Variants in MAP3K4 observed in about 807,000 individuals in gnomAD.
MAP3K4 encodes the protein mitogen-activated protein kinase kinase kinase 4.
Under a neutral mutation model 185.6 loss-of-function variants are expected in MAP3K4, and 67 were observed. That is an observed-to-expected ratio of 0.36 (90% CI 0.30 to 0.44). The LOEUF is 0.44. MAP3K4 is among the 20% of genes least tolerant of loss of function. MAP3K4 has a pLI of 1.00. For missense variants in MAP3K4, 1,551 were observed against 1,995.1 expected (o/e 0.78, Z 4.24); for synonymous variants, 702 against 710.4 (o/e 0.99, Z 0.19).
Position 160,996,051 on chromosome 6 carries a change from C to T in MAP3K4, c.152+3968C>T, listed in dbSNP as rs1199544652. Among the ~76,000 whole-genome samples, 1 of 152,170 alleles carries T rather than the reference C, an allele frequency of 6.6e-6. No homozygotes were observed. Among genetic ancestry groups the T allele is most frequent in the Non-Finnish European group, 1.5e-5 (1 of 68,020 alleles). ...AAAAAACTAGTTGAATGTCGTCACT[C>T]CTAGGCAATTTGCTCTGCCTCTCGG... is the stretch of plus-strand genomic sequence containing the variant. On this transcript the variant is annotated intron_variant, in intron 1 of 26. Transcript: ENST00000392142. This position sits in a 1 kb window ranked among gnomAD's most constrained non-coding sequence, Gnocchi z 4.5.
rs529350109 is a variant in MAP3K4, at chr6:161,056,835, A to C, written c.1707+6856A>C. 3.0e-4 allele frequency among the ~76,000 whole-genome samples: 45 copies of C among 152,240 alleles called. No homozygotes were observed. Among genetic ancestry groups the C allele is most frequent in the East Asian group, 1.4e-3 (7 of 5,172 alleles). On this transcript the variant is annotated intron_variant, in intron 3 of 26. Transcript: ENST00000392142. This position sits in a 1 kb window ranked among gnomAD's most constrained non-coding sequence, Gnocchi z 5.4. ...TATTTCATCTGCGTTGCATCCTGGGATCCTCCAAAATCCTGATTGACTTTT... is the reference window on the plus strand; with the variant it reads ...TATTTCATCTGCGTTGCATCCTGGGCTCCTCCAAAATCCTGATTGACTTTT...
In MAP3K4 at chr6:161,116,980, G is replaced by C; in HGVS notation, c.*110G>C. 3 of 1,007,548 alleles carry C rather than the reference G, an allele frequency of 3.0e-6. No individual in the cohort carries two copies. In the Admixed American group the frequency reaches 5.5e-5, roughly 18 times the overall value. The allele number at this position is 1,007,548 out of a possible 1,614,324, so 62.4% of individuals were successfully genotyped here. On this transcript the variant is annotated 3_prime_UTR_variant, in exon 27 of 27. Coordinates refer to ENST00000392142, the MANE Select transcript of MAP3K4 (RefSeq NM_005922.4). This position sits in a 1 kb window ranked among gnomAD's most constrained non-coding sequence, Gnocchi z 6.2. ...TAAGCCTTTTTAACCTTCCAAGACT[G>C]AAGACTGCACAGGTGACAAGCGTCA...
In MAP3K4 at chr6:161,093,969, C is replaced by T. The variant is rs774570233; in HGVS notation, c.3427+118C>T. On this transcript the variant is annotated intron_variant, in intron 15 of 26. Coordinates refer to ENST00000392142, the MANE Select transcript of MAP3K4 (RefSeq NM_005922.4). This position sits in a 1 kb window ranked among gnomAD's most constrained non-coding sequence, Gnocchi z 5.2. ...GGTGTTTTAACAGTATTCAGGAAAACGACAATGAGAGGGACAGAAATGAGG... is the reference window on the plus strand; with the variant it reads ...GGTGTTTTAACAGTATTCAGGAAAATGACAATGAGAGGGACAGAAATGAGG... 5.7e-6 allele frequency: 4 copies of T among 707,402 alleles called. No individual in the cohort carries two copies. Among genetic ancestry groups the T allele is most frequent in the Non-Finnish European group, 9.5e-6 (4 of 420,598 alleles). 43.8% of individuals were successfully genotyped at this position (707,402 alleles called of 1,614,324 possible).
intron 1 of MAP3K4, among the ~76,000 whole-genome samples, chr6:161,020,752 G>A (rs878897028): frequency 6.6e-6 from 1 of 151,624 alleles, no homozygotes; most frequent in Non-Finnish European, 1.5e-5. Flanking sequence ...TTTCATGGTT[G>A]AAATATAAAG....
chr6:161,079,918 C>A (rs986731320), intron 5 of MAP3K4, among the ~76,000 whole-genome samples: 2 of 152,136 alleles, frequency 1.3e-5, no homozygotes, highest in Non-Finnish European at 2.9e-5. Flanking sequence ...AAATATCTTT[C>A]CCAACAATGA....
chr6:161,016,698 CGT>C (rs1782131797), intron 1 of MAP3K4, among the ~76,000 whole-genome samples: 1 of 152,188 alleles, frequency 6.6e-6, no homozygotes. Flanking sequence ...CCACTGATCC[CGT>C]GTGTCTGTCC....
At chr6:161,003,033 CAT>C (rs1781400638) in intron 1 of MAP3K4, among the ~76,000 whole-genome samples, 1 of 151,690 alleles carries the variant, frequency 6.6e-6, no homozygotes, top group African/African-American at 2.4e-5. Context: ...AATTTGATAA[CAT>C]GATATAACAT....
At chr6:161,072,707 A>T (rs990835846) in intron 4 of MAP3K4, among the ~76,000 whole-genome samples, 9 of 152,180 alleles carry the variant, frequency 5.9e-5, no homozygotes, top group Admixed American at 2.6e-4. Context: ...TTTGGCTAAC[A>T]TGTATGAAAA....
chr6:161,068,634 G>A (rs1004684836), intron 3 of MAP3K4, among the ~76,000 whole-genome samples: 1 of 152,210 alleles, frequency 6.6e-6, no homozygotes, highest in Non-Finnish European at 1.5e-5. Flanking sequence ...GGATTGACGC[G>A]TTGTAATCAG....
chr6:161,032,291 G>A (rs1331931453), intron 1 of MAP3K4, among the ~76,000 whole-genome samples: 4 of 152,152 alleles, frequency 2.6e-5, no homozygotes, highest in African/African-American at 9.7e-5. Flanking sequence ...CTCTTAAGGT[G>A]AAGCAGATAG....
At chr6:161,066,322 T>C (rs1784712635) in intron 3 of MAP3K4, among the ~76,000 whole-genome samples, 1 of 152,164 alleles carries the variant, frequency 6.6e-6, no homozygotes, top group Non-Finnish European at 1.5e-5. Context: ...TTCCTTTTGT[T>C]CTTTATGGAA....
At chr6:161,039,620 A>G (rs1228032155) in intron 2 of MAP3K4, among the ~76,000 whole-genome samples, 2 of 152,218 alleles carry the variant, frequency 1.3e-5, no homozygotes, top group African/African-American at 2.4e-5. Flanking sequence ...ATTTCCTGCA[A>G]ATCATTACCA....
chr6:161,020,497 A>C (rs1782330072), intron 1 of MAP3K4, among the ~76,000 whole-genome samples: 1 of 152,126 alleles, frequency 6.6e-6, no homozygotes, highest in African/African-American at 2.4e-5. Context: ...GTTTCTACTA[A>C]AAATACAAAT....
rs1309680302 is a variant in MAP3K4 at position 161,087,828 on chromosome 6, C to T, written c.2697C>T (p.Ala899=). The T allele has an allele frequency of 3.7e-6, 6 of 1,614,150 alleles. No individual in the cohort carries two copies. Among genetic ancestry groups the T allele is most frequent in the Non-Finnish European group, 5.1e-6 (6 of 1,180,038 alleles). The change falls in exon 10 of 27, where the codon GCC becomes GCT. Residue 899 remains alanine, a synonymous_variant. Coordinates refer to ENST00000392142, the MANE Select transcript of MAP3K4 (RefSeq NM_005922.4). The surrounding 1 kb of genome is among the most constrained non-coding windows in gnomAD (Gnocchi z 4.9). ...ATTCAGATGACGTACTCATCGATGC[C>T]TATCTGCTTCTGACCAAGCACGGTG... ...SKDSDDVLID[A]YLLLTKHGDR... is the part of the protein sequence containing the mutation.
Position 161,091,921 on chromosome 6 carries a change from T to C in MAP3K4, c.3136-89T>C. 2 of 1,145,702 alleles carry C rather than the reference T, an allele frequency of 1.7e-6. No individual in the cohort carries two copies. Among genetic ancestry groups the C allele is most frequent in the Non-Finnish European group, 2.5e-6 (2 of 797,580 alleles). 71.0% of individuals were successfully genotyped at this position (1,145,702 alleles called of 1,614,324 possible). On this transcript the variant is annotated intron_variant, in intron 12 of 26. Transcript: ENST00000392142. This position sits in a 1 kb window ranked among gnomAD's most constrained non-coding sequence, Gnocchi z 5.5. ...TTAATTGGATTTCACTTTTTGTTTT[T>C]AGAAAACATTTTAGACATGGCATTA...
rs1362585568 is a variant in MAP3K4 at position 161,063,792 on chromosome 6, T to C, written c.1708-6816T>C. Among the ~76,000 whole-genome samples the C allele has an allele frequency of 6.6e-6, 1 of 152,202 alleles. No individual in the cohort carries two copies. Among genetic ancestry groups the C allele is most frequent in the Admixed American group, 6.5e-5 (1 of 15,274 alleles). On this transcript the variant is annotated intron_variant, in intron 3 of 26. Coordinates refer to ENST00000392142, the MANE Select transcript of MAP3K4 (RefSeq NM_005922.4). This position sits in a 1 kb window ranked among gnomAD's most constrained non-coding sequence, Gnocchi z 5.4. ...AAAATCATTCCTAATTTCACAGAAG[T>C]TCTCTGTAGACTCTGTGAGCTTTTC...
In MAP3K4 at chr6:160,993,768, G is replaced by T. The variant is rs1483463680; in HGVS notation, c.152+1685G>T. Among the ~76,000 whole-genome samples, 4 of 152,048 alleles carry T rather than the reference G, an allele frequency of 2.6e-5. No individual in the cohort carries two copies. The East Asian group carries it at 5.8e-4, about 22-fold the overall frequency. On this transcript the variant is annotated intron_variant, in intron 1 of 26. Coordinates refer to ENST00000392142, the MANE Select transcript of MAP3K4 (RefSeq NM_005922.4). The stretch of plus-strand genomic sequence containing the variant: ...AAAAAAAACTTGACTTTTCAGTCAG[G>T]CTTCTGTCTGTGTTATAATAAAAAT...
At position 161,053,101 on chromosome 6, in the gene MAP3K4, G is replaced by T. The variant is rs1240527381; in HGVS notation, c.1707+3122G>T. Among the ~76,000 whole-genome samples the T allele has an allele frequency of 6.6e-6, 1 of 152,222 alleles. No individual in the cohort carries two copies. Among genetic ancestry groups the T allele is most frequent in the Non-Finnish European group, 1.5e-5 (1 of 68,048 alleles). The stretch of plus-strand genomic sequence containing the variant: ...GGTTTAATTGGCTTATGGTCCCACA[G>T]ATTGTATAGGAAGCATGGCAGGCAA... On this transcript the variant is annotated intron_variant, in intron 3 of 26. Transcript: ENST00000392142. The surrounding 1 kb of genome is among the most constrained non-coding windows in gnomAD (Gnocchi z 4.2).
chr6:161,093,184 GA>G lies in MAP3K4; in HGVS notation c.3348+129del. 1.6e-6 allele frequency: 1 copy of G among 622,470 alleles called. No individual in the cohort carries two copies. Among genetic ancestry groups the G allele is most frequent in the Non-Finnish European group, 2.8e-6 (1 of 363,290 alleles). 38.6% of individuals were successfully genotyped at this position (622,470 alleles called of 1,614,324 possible). A position where few individuals can be genotyped will look rare whatever the true frequency, so the allele number is the denominator to read the frequency against. ...TATTAATCTCAGCATATCATGTAATGATAATGCTGAGAAATTAAAGTACTCC... is the reference window on the plus strand; with the variant it reads ...TATTAATCTCAGCATATCATGTAATGTAATGCTGAGAAATTAAAGTACTCC... On this transcript the variant is annotated intron_variant, in intron 14 of 26. Transcript: ENST00000392142. This position sits in a 1 kb window ranked among gnomAD's most constrained non-coding sequence, Gnocchi z 5.2.
Sources: allele counts gnomAD v4.1 joint callset (sites outside exome capture counted in the v4.1 genomes callset), GRCh38; gene constraint gnomAD v4.1.1; non-coding constraint Gnocchi (gnomAD v3.1); transcripts MANE v1.5; gene names NCBI Gene and HGNC (gene_info 2026-07-23, HGNC 2026-07-21).